The following FAM13C variants were observed in gnomAD, a reference collection of about 807,000 sequenced individuals.
FAM13C encodes family with sequence similarity 13 member C.
FAM13C carries 37 observed loss-of-function variants against 73.2 expected under a neutral mutation model. The ratio of observed to expected loss-of-function variants is 0.51; its 90% confidence interval spans 0.39 to 0.67. The LOEUF (loss-of-function observed/expected upper bound fraction) is 0.67. Among genes scored for constraint, FAM13C ranks in the 30% least tolerant of loss-of-function variants. The probability of loss-of-function intolerance (pLI) is 0.00; values close to 1 mark genes in which losing one functional copy is unlikely to be tolerated. For synonymous variants in FAM13C, 246 were observed against 260.9 expected, an observed-to-expected ratio of 0.94 and a Z score of 0.55; for missense variants, 589 against 715.6, an observed-to-expected ratio of 0.82 and a Z score of 2.02.
At chr10:59,320,579 G>A (rs1850092480) in intron 4 of FAM13C, among the ~76,000 whole-genome samples, 1 of 152,182 alleles carries the variant, frequency 6.6e-6, no homozygotes, top group Non-Finnish European at 1.5e-5. Context: ...AGAACAATTC[G>A]TGAATCAGGC....
At chr10:59,315,931 A>G (rs548811815) in intron 4 of FAM13C, among the ~76,000 whole-genome samples, 1 of 152,108 alleles carries the variant, frequency 6.6e-6, no homozygotes, top group East Asian at 1.9e-4. Context: ...TGAAAATTGT[A>G]TATCTCTTTT....
At chr10:59,285,951 G>A (rs963339939) in intron 5 of FAM13C, among the ~76,000 whole-genome samples, 8 of 141,682 alleles carry the variant, frequency 5.6e-5, no homozygotes, top group Middle Eastern at 3.5e-3. Context: ...TGTTGTTTAA[G>A]TTTCCAAGTC....
intron 10 of FAM13C, among the ~76,000 whole-genome samples, chr10:59,259,532 T>C (rs998254915): frequency 1.2e-4 from 19 of 152,178 alleles, no homozygotes; most frequent in Admixed American, 3.3e-4. Context: ...CTGAGTGTAG[T>C]GGCTGACTAG....
chr10:59,325,977 A>C (rs1476128472), intron 3 of FAM13C, among the ~76,000 whole-genome samples: 1 of 152,136 alleles, frequency 6.6e-6, no homozygotes, highest in African/African-American at 2.4e-5. Flanking sequence ...CTGAACTCTA[A>C]AAGGTTTAAA....
chr10:59,265,739 T>G (rs558124273), intron 8 of FAM13C, among the ~76,000 whole-genome samples: 33 of 152,122 alleles, frequency 2.2e-4, no homozygotes, highest in Non-Finnish European at 3.8e-4. Flanking sequence ...GACAAAATAA[T>G]TTAAAGCCTG....
chr10:59,353,363 C>A (rs7912407), intron 2 of FAM13C, among the ~76,000 whole-genome samples: 19,873 of 152,156 alleles, frequency 0.13, 1,374 homozygotes, highest in Middle Eastern at 0.17. Flanking sequence ...CAGACATAAC[C>A]AGAAGGGGCC....
intron 9 of FAM13C, among the ~76,000 whole-genome samples, chr10:59,262,885 A>G (rs1842655891): frequency 1.3e-5 from 2 of 152,280 alleles, no homozygotes; most frequent in South Asian, 2.1e-4. Flanking sequence ...GTGTGGGAGT[A>G]GCTCAGTGGT....
At chr10:59,267,316 G>A (rs1308610262) in intron 8 of FAM13C, among the ~76,000 whole-genome samples, 3 of 152,168 alleles carry the variant, frequency 2.0e-5, no homozygotes, top group Non-Finnish European at 2.9e-5. Flanking sequence ...TTCTATTGCA[G>A]AACCTACTCA....
chr10:59,303,860 G>T (rs79402869), intron 4 of FAM13C, among the ~76,000 whole-genome samples: 5,301 of 152,244 alleles, frequency 0.035, 138 homozygotes, highest in Non-Finnish European at 0.049. Flanking sequence ...CTTTTAAAGT[G>T]TCTGTTCGGC....
chr10:59,283,483 C>T (rs376630163), intron 5 of FAM13C, 36 bp from the exon 6 acceptor site: 8 of 1,605,566 alleles, frequency 5.0e-6, no homozygotes, highest in African/African-American at 4.0e-5. Context: ...AGATCAGATT[C>T]GAGGGCTTGC....
intron 5 of FAM13C, among the ~76,000 whole-genome samples, chr10:59,294,365 G>A (rs1846645481): frequency 6.6e-6 from 1 of 152,194 alleles, no homozygotes; most frequent in African/African-American, 2.4e-5. Context: ...GGACAGAGGA[G>A]CTGGGGAGAT....
At chr10:59,279,577 TCAGA>T (rs778915077) in intron 6 of FAM13C, among the ~76,000 whole-genome samples, 13 of 152,222 alleles carry the variant, frequency 8.5e-5, no homozygotes, top group Admixed American at 3.3e-4. Context: ...TCATCCTTGG[TCAGA>T]CAGAACAAAG....
chr10:59,357,483 G>T (rs969102892), intron 1 of FAM13C, among the ~76,000 whole-genome samples: 3 of 152,282 alleles, frequency 2.0e-5, no homozygotes, highest in African/African-American at 7.2e-5. Flanking sequence ...TATTAACTTT[G>T]TTCCCTAAGA....
At chr10:59,315,197 G>A (rs1849379849) in intron 4 of FAM13C, among the ~76,000 whole-genome samples, 2 of 152,114 alleles carry the variant, frequency 1.3e-5, no homozygotes, top group Non-Finnish European at 2.9e-5. Flanking sequence ...AACTTGGAAA[G>A]TAAAAGCACA....
intron 5 of FAM13C, among the ~76,000 whole-genome samples, chr10:59,290,703 T>C (rs536073248): frequency 1.3e-5 from 2 of 152,170 alleles, no homozygotes; most frequent in Admixed American, 1.3e-4. Context: ...CTCGCCACAT[T>C]ATGTAATTTT....
intron 5 of FAM13C, among the ~76,000 whole-genome samples, chr10:59,300,547 G>A (rs1847478334): frequency 6.6e-6 from 1 of 152,268 alleles, no homozygotes; most frequent in Admixed American, 6.5e-5. Flanking sequence ...GCATACTCCT[G>A]TAAAAAGTCA....
chr10:59,252,243 C>T (rs140392022), intron 12 of FAM13C, among the ~76,000 whole-genome samples: 4 of 152,146 alleles, frequency 2.6e-5, no homozygotes, highest in South Asian at 2.1e-4. Flanking sequence ...ACAAGCATAC[C>T]CAAACTCATG....
intron 4 of FAM13C, among the ~76,000 whole-genome samples, chr10:59,316,084 C>T (rs1008815460): frequency 2.9e-4 from 44 of 152,016 alleles, no homozygotes; most frequent in African/African-American, 4.4e-4. Flanking sequence ...TGTGTGCCAC[C>T]GTGCCCAGCT....
At chr10:59,301,396 G>A (rs1209496959) in intron 5 of FAM13C, 4 of 152,296 alleles carry the variant, frequency 2.6e-5, no homozygotes, top group African/African-American at 7.2e-5. Flanking sequence ...TTATGCTCAG[G>A]CAATCAGCGC....
Sources: gnomAD v4.1 joint callset for allele counts (sites outside exome capture counted in the v4.1 genomes callset) on GRCh38, gnomAD v4.1.1 for gene constraint, MANE v1.5 for transcripts, NCBI Gene and HGNC (gene_info 2026-07-23, HGNC 2026-07-21) for gene names.